LHPP: variants seen among roughly 807,000 people sequenced by gnomAD.
LHPP encodes phospholysine phosphohistidine inorganic pyrophosphate phosphatase, also known as hLHPP.
Under a neutral mutation model 30.3 loss-of-function variants are expected in LHPP, and 24 were observed. The ratio of observed to expected loss-of-function variants is 0.79; its 90% CI spans 0.57 to 1.11. LHPP has a LOEUF of 1.11. LHPP is among the 50% of genes most tolerant of loss of function. The pLI, the probability that LHPP is intolerant of heterozygous loss-of-function variation, is 0.00. For missense variants in LHPP, 356 were observed against 367.2 expected (o/e 0.97, Z 0.25); for synonymous variants, 150 against 157.1 (o/e 0.95, Z 0.34).
chr10:124,469,626 G>A (rs1357776804), intron 1 of LHPP, among the ~76,000 whole-genome samples: 5 of 151,960 alleles, frequency 3.3e-5, no homozygotes, highest in Non-Finnish European at 7.4e-5. Context: ...ACACACATTC[G>A]TTCATTTATT....
intron 1 of LHPP, among the ~76,000 whole-genome samples, chr10:124,465,778 G>T (rs959754980): frequency 6.6e-6 from 1 of 152,162 alleles, no homozygotes; most frequent in African/African-American, 2.4e-5. Flanking sequence ...GGCCAGGCTG[G>T]TCCCGAACTC....
intron 6 of LHPP, among the ~76,000 whole-genome samples, chr10:124,520,259 T>C (rs926289367): frequency 6.6e-6 from 1 of 152,072 alleles, no homozygotes; most frequent in Non-Finnish European, 1.5e-5. Flanking sequence ...CTAGTACCCA[T>C]TAGTTATTTT....
chr10:124,590,936 T>C lies in LHPP; in HGVS notation c.717-22328T>C, dbSNP rs1948875837. On this transcript the variant is annotated intron_variant, in intron 6 of 6. Coordinates refer to ENST00000368842, the MANE Select transcript of LHPP (RefSeq NM_022126.4). This position sits in a 1 kb window ranked among gnomAD's most constrained non-coding sequence, Gnocchi z 4.3. ...CCTCCTTTCCAGGAAACAGGATCCCTGTCTCAGACAGAAGCAGTCTCGCCC... is the reference window on the plus strand; with the variant it reads ...CCTCCTTTCCAGGAAACAGGATCCCCGTCTCAGACAGAAGCAGTCTCGCCC... Among the ~76,000 whole-genome samples the C allele has an allele frequency of 6.6e-6, 1 of 152,268 alleles. No individual in the cohort carries two copies. Among genetic ancestry groups the C allele is most frequent in the Non-Finnish European group, 1.5e-5 (1 of 68,044 alleles).
chr10:124,524,548 A>G (rs1954686186), intron 6 of LHPP, among the ~76,000 whole-genome samples: 1 of 152,192 alleles, frequency 6.6e-6, no homozygotes, highest in Non-Finnish European at 1.5e-5. Context: ...AAGTGCTGGG[A>G]TTACAGGCAT....
chr10:124,549,750 G>A (rs949622507), intron 6 of LHPP, among the ~76,000 whole-genome samples: 3 of 151,934 alleles, frequency 2.0e-5, no homozygotes, highest in Admixed American at 6.5e-5. Context: ...CATGGCCGGG[G>A]TGGGCATGGC....
chr10:124,511,205 T>C (rs1029706443), intron 5 of LHPP, among the ~76,000 whole-genome samples: 6 of 152,268 alleles, frequency 3.9e-5, no homozygotes, highest in Admixed American at 3.9e-4. Flanking sequence ...TGATTCATTT[T>C]ATTACTTAAA....
chr10:124,461,965 G>T lies in LHPP; in HGVS notation c.103G>T (p.Gly35Cys). Residue 35 changes from glycine (G) to cysteine (C), a missense_variant, in exon 1 of 7, where the codon GGC (glycine) becomes TGC (cysteine). Coordinates refer to ENST00000368842, the MANE Select transcript of LHPP (RefSeq NM_022126.4). The part of the protein sequence containing the change: ...SGAGGGTAIA[G>C]SVEAVARLKR... ...CGCGGGCGGCGGCACGGCCATCGCC[G>T]GCTCGGTGGAGGCGGTGGCCAGGTG... 1 of 1,224,334 alleles carries T rather than the reference G, an allele frequency of 8.2e-7. No homozygotes were observed. Among genetic ancestry groups the T allele is most frequent in the Non-Finnish European group, 1.0e-6 (1 of 979,460 alleles). 75.8% of individuals were successfully genotyped at this position (1,224,334 alleles called of 1,614,324 possible). A position where few individuals can be genotyped will look rare whatever the true frequency, so the allele number is the denominator to read the frequency against.
intron 3 of LHPP, among the ~76,000 whole-genome samples, chr10:124,492,576 C>T (rs762950839): frequency 1.3e-5 from 2 of 152,186 alleles, no homozygotes; most frequent in African/African-American, 2.4e-5. Context: ...GGAATGTACT[C>T]TCCTCCTAGT....
chr10:124,497,552 T>C (rs971771188), intron 4 of LHPP, among the ~76,000 whole-genome samples: 5 of 152,142 alleles, frequency 3.3e-5, no homozygotes, highest in Non-Finnish European at 7.3e-5. Context: ...CCAGGTCCCA[T>C]TAGCTGCCCC....
intron 6 of LHPP, among the ~76,000 whole-genome samples, chr10:124,549,346 TC>T (rs1955424650): frequency 6.6e-6 from 1 of 151,762 alleles, no homozygotes; most frequent in Non-Finnish European, 1.5e-5. Flanking sequence ...GGCAGGAGGA[TC>T]ACTTGAGCTC....
chr10:124,538,570 A>T lies in LHPP; in HGVS notation c.716+21299A>T, dbSNP rs942827574. Among the ~76,000 whole-genome samples the T allele has an allele frequency of 2.0e-5, 3 of 152,194 alleles. No homozygotes were observed. In the East Asian group the frequency reaches 5.8e-4, roughly 29 times the overall value. ...TGGACCCCCTGCCCGCTGTGGCCCC[A>T]TACCTGGGGGCCACACACCACTGCC... On this transcript the variant is annotated intron_variant, in intron 6 of 6. Transcript: ENST00000368842.
chr10:124,511,496 G>A (rs534349268), intron 5 of LHPP, among the ~76,000 whole-genome samples: 2 of 152,270 alleles, frequency 1.3e-5, no homozygotes, highest in South Asian at 2.1e-4. Flanking sequence ...CTCATGTCTC[G>A]CGGTGGCTTG....
rs116828964 is a variant in LHPP at position 124,495,681 on chromosome 10, A to G, written c.468-1280A>G. Among the ~76,000 whole-genome samples, 1,245 of 152,196 alleles carry G rather than the reference A, an allele frequency of 8.2e-3. 13 individuals carry two copies. Among genetic ancestry groups the G allele is most frequent in the African/African-American group, 0.029 (1,206 of 41,532 alleles). On this transcript the variant is annotated intron_variant, in intron 3 of 6. Transcript: ENST00000368842. The stretch of plus-strand genomic sequence containing the variant: ...GTCACAGAACACATTTCAGCCCCCA[A>G]ATTGAACAGGGCTGTGTTCATTTTT...
At chr10:124,585,946 A>T (rs1370664669) in intron 6 of LHPP, among the ~76,000 whole-genome samples, 4 of 152,042 alleles carry the variant, frequency 2.6e-5, no homozygotes, top group Non-Finnish European at 5.9e-5. Flanking sequence ...CACCACACCC[A>T]GCTAATTTTT....
chr10:124,543,446 G>C (rs1955253705), intron 6 of LHPP, among the ~76,000 whole-genome samples: 1 of 152,276 alleles, frequency 6.6e-6, no homozygotes, highest in Admixed American at 6.5e-5. Flanking sequence ...GGGAACGGCA[G>C]AGGTGCCCTG....
intron 1 of LHPP, among the ~76,000 whole-genome samples, chr10:124,483,301 G>A (rs1953200867): frequency 6.6e-6 from 1 of 152,224 alleles, no homozygotes; most frequent in Non-Finnish European, 1.5e-5. Flanking sequence ...TTTTTGGGAA[G>A]TATGGATCCA....
At chr10:124,551,880 C>T (rs755924282) in intron 6 of LHPP, among the ~76,000 whole-genome samples, 13 of 152,030 alleles carry the variant, frequency 8.6e-5, no homozygotes, top group Non-Finnish European at 1.8e-4. Context: ...GCAGGATGTC[C>T]GCAGGCCCCC....
intron 5 of LHPP, among the ~76,000 whole-genome samples, chr10:124,505,853 C>A (rs1313124740): frequency 6.6e-6 from 1 of 152,120 alleles, no homozygotes; most frequent in African/African-American, 2.4e-5. Flanking sequence ...CAGCCAAGAA[C>A]CCTCGCCTGG....
At chr10:124,558,665 C>T (rs1384378538) in intron 6 of LHPP, among the ~76,000 whole-genome samples, 1 of 152,218 alleles carries the variant, frequency 6.6e-6, no homozygotes, top group Admixed American at 6.5e-5. Context: ...CCCATGGCAC[C>T]CCCAATGTGG....
Sources: gnomAD v4.1 joint callset for allele counts (sites outside exome capture counted in the v4.1 genomes callset) on GRCh38, gnomAD v4.1.1 for gene constraint, Gnocchi (gnomAD v3.1) non-coding constraint, MANE v1.5 for transcripts, NCBI Gene and HGNC (gene_info 2026-07-23, HGNC 2026-07-21) for gene names.